TEX26: variants seen among roughly 807,000 people sequenced by gnomAD.
TEX26 encodes testis expressed 26.
TEX26 carries 34 observed loss-of-function variants against 35.3 expected under a neutral mutation model. The ratio of observed to expected loss-of-function variants is 0.96; its 90% CI spans 0.73 to 1.28. The LOEUF is 1.28. Among genes scored for constraint, TEX26 ranks in the 50% most tolerant of loss-of-function variants. The pLI, the probability that TEX26 is intolerant of heterozygous loss-of-function variation, is 0.00. For synonymous variants in TEX26, 136 were observed against 111.8 expected (o/e 1.22, Z -1.36); for missense variants, 371 against 330.1 (o/e 1.12, Z -0.96).
intron 6 of TEX26, among the ~76,000 whole-genome samples, chr13:30,969,952 T>A (rs1406229664): frequency 6.6e-6 from 1 of 152,112 alleles, no homozygotes; most frequent in African/African-American, 2.4e-5. Flanking sequence ...GTGTGCCCTG[T>A]GATGAGGTTG....
chr13:30,964,577 C>T (rs908916947), intron 4 of TEX26, among the ~76,000 whole-genome samples: 7 of 152,148 alleles, frequency 4.6e-5, no homozygotes, highest in African/African-American at 1.7e-4. Flanking sequence ...TTTGTTTTTG[C>T]TTATAAAGCT....
chr13:30,963,930 G>A (rs1017607869), intron 4 of TEX26, among the ~76,000 whole-genome samples: 1 of 152,048 alleles, frequency 6.6e-6, no homozygotes, highest in Non-Finnish European at 1.5e-5. Flanking sequence ...TGGAACGGAC[G>A]TTCCAGACTC....
rs370475342 is a variant in TEX26 at position 30,952,660 on chromosome 13, C to T, written c.147C>T (p.Arg49=). The T allele has an allele frequency of 6.3e-7, 1 of 1,574,938 alleles. No homozygotes were observed. The highest frequency in any genetic ancestry group is 8.6e-7 in the Non-Finnish European group (1 of 1,165,722). ...TAATTTCTGCTGGGTTTTTTTATAG[C>T]CAAAACGGTATCAGAAGATTAGGAT... The part of the protein sequence containing the change: ...PKTGAVPALI[R]QNGIRRLGYT... The change falls in exon 3 of 7, where the codon CGC becomes CGT. Residue 49 remains arginine (R), a splice_region_variant and synonymous_variant. Coordinates refer to ENST00000380473, the MANE Select transcript of TEX26 (RefSeq NM_152325.3).
intron 6 of TEX26, among the ~76,000 whole-genome samples, chr13:30,974,134 ATATATAT>A (rs1954807395): frequency 1.1e-5 from 1 of 92,146 alleles, no homozygotes; most frequent in Non-Finnish European, 2.5e-5. Context: ...AAAAAAAAAT[ATATATAT>A]ATATATATAT....
intron 1 of TEX26, among the ~76,000 whole-genome samples, chr13:30,934,479 C>T (rs118126810): frequency 0.015 from 2,247 of 152,300 alleles, 23 homozygotes; most frequent in Middle Eastern, 0.031. Flanking sequence ...CTGGTGGATT[C>T]AAACAACAAA....
At chr13:30,938,680 T>A (rs1314752812) in intron 1 of TEX26, among the ~76,000 whole-genome samples, 1 of 152,178 alleles carries the variant, frequency 6.6e-6, no homozygotes, top group Non-Finnish European at 1.5e-5. Flanking sequence ...ATTCAAACAA[T>A]AGCACTACCA....
rs1043289992 is a variant in TEX26 at position 30,936,580 on chromosome 13, C to T, written c.62-3114C>T. The T allele has an allele frequency of 8.5e-6, 6 of 709,408 alleles. No homozygotes were observed. In the South Asian group the frequency reaches 3.2e-4, roughly 37 times the overall value. 43.9% of individuals were successfully genotyped at this position (709,408 alleles called of 1,614,324 possible). Reference sequence around the variant, plus strand: ...AAAAGAATTGCACCCTCTTCATGTTCCCTGTGACACATAGGACATCAGCAC... The same window carrying T: ...AAAAGAATTGCACCCTCTTCATGTTTCCTGTGACACATAGGACATCAGCAC... On this transcript the variant is annotated intron_variant, in intron 1 of 6. Transcript: ENST00000380473.
intron 3 of TEX26, among the ~76,000 whole-genome samples, chr13:30,954,271 G>A (rs1390727839): frequency 1.2e-5 from 1 of 82,678 alleles, no homozygotes; most frequent in Non-Finnish European, 2.3e-5. Flanking sequence ...TATATTTATA[G>A]ACCTATACAC....
chr13:30,932,775 A>G lies in TEX26; in HGVS notation c.60A>G (p.Pro20=), dbSNP rs1566134113. ...DPSLCHHNLQ[P]TDDPNWDSYA... ...CTCTCTGCCACCACAACCTCCAGCC[A>G]AGTAAGACAGCAGACTCTGCCGGTC... The change falls in exon 1 of 7, where the codon CCA becomes CCG. Residue 20 remains proline (P), a splice_region_variant and synonymous_variant. Transcript: ENST00000380473. 1 of 1,613,952 alleles carries G rather than the reference A, an allele frequency of 6.2e-7. No homozygotes were observed. The highest frequency in any genetic ancestry group is 8.5e-7 in the Non-Finnish European group (1 of 1,179,976).
chr13:30,956,931 T>C lies in TEX26; in HGVS notation c.371T>C (p.Leu124Pro). 1.9e-6 allele frequency: 3 copies of C among 1,614,164 alleles called. No homozygotes were observed. The highest frequency in any genetic ancestry group is 2.5e-6 in the Non-Finnish European group (3 of 1,179,988). ...CQQTGTLKNCLPWKIPASMKE... is the reference protein window; with the variant it reads ...CQQTGTLKNCPPWKIPASMKE... ...CAAACGGGGACACTAAAGAACTGCC[T>C]CCCTTGGAAAATCCCGGCTTCAATG... The change falls in exon 4 of 7, where the codon CTC (leucine) becomes CCC (proline). Residue 124 changes from leucine (L) to proline (P), a missense_variant. By Grantham distance (98) the Leu-to-Pro change is moderately conservative. Transcript: ENST00000380473.
chr13:30,966,109 A>T (rs1954516056), intron 4 of TEX26, 113 bp from the exon 5 acceptor site: 1 of 1,061,772 alleles, frequency 9.4e-7, no homozygotes, highest in Non-Finnish European at 1.4e-6. Flanking sequence ...TTATTTCTCC[A>T]TTGAAGTGTT....
intron 1 of TEX26, among the ~76,000 whole-genome samples, chr13:30,938,082 G>A (rs1453002001): frequency 6.6e-6 from 1 of 152,172 alleles, no homozygotes; most frequent in African/African-American, 2.4e-5. Flanking sequence ...CAGTATTCTA[G>A]GGATGAAGGG....
intron 1 of TEX26, chr13:30,933,941 T>C (rs1263610036): frequency 6.6e-6 from 1 of 152,252 alleles, no homozygotes; most frequent in Non-Finnish European, 1.5e-5. Flanking sequence ...TGCATAAAGG[T>C]GCCAACAACT....
intron 6 of TEX26, among the ~76,000 whole-genome samples, chr13:30,972,895 C>G (rs1251301256): frequency 6.6e-6 from 1 of 152,226 alleles, no homozygotes; most frequent in Non-Finnish European, 1.5e-5. Context: ...CCTTGGCCTT[C>G]CAAAGTGCTG....
chr13:30,935,387 G>A (rs113319958), intron 1 of TEX26, among the ~76,000 whole-genome samples: 23 of 152,352 alleles, frequency 1.5e-4, no homozygotes, highest in Admixed American at 9.8e-4. Context: ...TCCAGCCTGC[G>A]CATGGCCACC....
At chr13:30,934,105 CTT>C (rs1172745107) in intron 1 of TEX26, among the ~76,000 whole-genome samples, 2 of 152,230 alleles carry the variant, frequency 1.3e-5, no homozygotes, top group Non-Finnish European at 2.9e-5. Flanking sequence ...ACCTTCCAGA[CTT>C]TGAGAGTTCA....
Position 30,974,852 on chromosome 13 carries a change from A to C in TEX26, c.815A>C (p.Gln272Pro). 1 of 1,557,956 alleles carries C rather than the reference A, an allele frequency of 6.4e-7. No individual in the cohort carries two copies. ...YLQSLSYKDR[Q>P]IIDRFIRTHC... ...TTTTCTTCATACTTTTCAGATAGACAAATTATTGATCGCTTTATTCGTACT... is the reference window on the plus strand; with the variant it reads ...TTTTCTTCATACTTTTCAGATAGACCAATTATTGATCGCTTTATTCGTACT... Residue 272 changes from glutamine (Q) to proline (P), a missense_variant, in exon 7 of 7, where the codon CAA becomes CCA. Transcript: ENST00000380473.
At chr13:30,966,813 G>A (rs904924151) in intron 5 of TEX26, among the ~76,000 whole-genome samples, 3 of 152,132 alleles carry the variant, frequency 2.0e-5, no homozygotes, top group East Asian at 1.9e-4. Flanking sequence ...CACAGAGGGC[G>A]CTGGCAGCCC....
chr13:30,947,470 C>A (rs1009463867), intron 2 of TEX26, among the ~76,000 whole-genome samples: 2 of 152,122 alleles, frequency 1.3e-5, no homozygotes, highest in Non-Finnish European at 2.9e-5. Flanking sequence ...CCAGAAATCA[C>A]AATGTGATTT....
Sources: allele counts gnomAD v4.1 joint callset (sites outside exome capture counted in the v4.1 genomes callset), GRCh38; gene constraint gnomAD v4.1.1; transcripts MANE v1.5; gene names NCBI Gene and HGNC (gene_info 2026-07-23, HGNC 2026-07-21).